HDAC1: variants seen among roughly 807,000 people sequenced by gnomAD.
HDAC1 encodes histone deacetylase 1.
In HDAC1, 18 loss-of-function variants were observed where a neutral mutation model predicts 65.5. That is an observed-to-expected ratio of 0.27 (90% CI 0.19 to 0.41). The LOEUF (loss-of-function observed/expected upper bound fraction) is 0.41. Ranked by LOEUF, HDAC1 falls within the 10% of genes least tolerant of loss-of-function variation. The probability of loss-of-function intolerance (pLI) is 1.00; values close to 1 mark genes in which losing one functional copy is unlikely to be tolerated. For synonymous variants in HDAC1, 211 were observed against 227.9 expected (o/e 0.93, Z 0.67); for missense variants, 373 against 625.2 (o/e 0.60, Z 4.30).
rs1641283824 is a variant in HDAC1, at chr1:32,330,994, T to C, written c.979+86T>C. On this transcript the variant is annotated intron_variant, in intron 9 of 13. Coordinates refer to ENST00000373548, the MANE Select transcript of HDAC1 (RefSeq NM_004964.3). This position sits in a 1 kb window ranked among gnomAD's most constrained non-coding sequence, Gnocchi z 4.2. ...AAGTTTATAACCCCTTCCCCGTTGG[T>C]CATATGACCGCTCCTCTTCTGATAC... 1.6e-6 allele frequency: 2 copies of C among 1,277,408 alleles called. No homozygotes were observed. Among genetic ancestry groups the C allele is most frequent in the African/African-American group, 2.9e-5 (2 of 68,286 alleles). 79.1% of individuals were successfully genotyped at this position (1,277,408 alleles called of 1,614,324 possible).
Position 32,330,572 on chromosome 1 carries a change from T to C in HDAC1, c.730-6T>C. ...GGTTGGTGGTGACCAGGATGTATCA[T>C]TTTAGGTCATGTCCAAAGTAATGGA... On this transcript the variant is annotated splice_polypyrimidine_tract_variant and splice_region_variant and intron_variant, in intron 7 of 13. Transcript: ENST00000373548. The surrounding 1 kb of genome is among the most constrained non-coding windows in gnomAD (Gnocchi z 4.2). 6.2e-7 allele frequency: 1 copy of C among 1,601,868 alleles called. No individual in the cohort carries two copies. Among genetic ancestry groups the C allele is most frequent in the Non-Finnish European group, 8.6e-7 (1 of 1,168,976 alleles).
intron 3 of HDAC1, among the ~76,000 whole-genome samples, chr1:32,318,471 G>A (rs993607088): frequency 6.6e-6 from 1 of 152,002 alleles, no homozygotes; most frequent in Non-Finnish European, 1.5e-5. Flanking sequence ...GTTGAGGAGG[G>A]AGGATCTTTT....
intron 2 of HDAC1, among the ~76,000 whole-genome samples, chr1:32,304,826 A>G (rs1038094756): frequency 6.6e-6 from 1 of 152,130 alleles, no homozygotes; most frequent in Non-Finnish European, 1.5e-5. Flanking sequence ...GGCCTCCCAA[A>G]GTGCTGGGAT....
intron 1 of HDAC1, 77 bp downstream of exon 1, chr1:32,292,295 G>A: frequency 6.5e-7 from 1 of 1,540,188 alleles, no homozygotes; most frequent in Non-Finnish European, 8.8e-7. Flanking sequence ...CTGGAGCGCC[G>A]ATGGGAGGCT....
intron 2 of HDAC1, 117 bp from the exon 3 acceptor site, chr1:32,316,548 T>C (rs1641066649): frequency 7.5e-6 from 5 of 669,954 alleles, no homozygotes; most frequent in Non-Finnish European, 1.4e-5. Context: ...AGTTATTTCT[T>C]TTTATTCTTT....
At chr1:32,318,477 C>A (rs1025454070) in intron 3 of HDAC1, among the ~76,000 whole-genome samples, 4 of 151,736 alleles carry the variant, frequency 2.6e-5, no homozygotes, top group African/African-American at 4.8e-5. Context: ...GAGGGAGGAT[C>A]TTTTGAGCCT....
chr1:32,326,595 CA>C (rs1374647351), intron 4 of HDAC1, among the ~76,000 whole-genome samples: 3 of 152,022 alleles, frequency 2.0e-5, no homozygotes, highest in Non-Finnish European at 4.4e-5. Context: ...CAGAGTTTTA[CA>C]AAAGAGCAGT....
chr1:32,295,667 A>G (rs1202803871), intron 1 of HDAC1, among the ~76,000 whole-genome samples: 3 of 152,224 alleles, frequency 2.0e-5, no homozygotes, highest in Admixed American at 6.5e-5. Flanking sequence ...AAAAGGCTCC[A>G]CTTCCAAACA....
Position 32,329,134 on chromosome 1 carries a change from G to A in HDAC1, c.703G>A (p.Glu235Lys), listed in dbSNP as rs1641257677. The stretch of plus-strand genomic sequence containing the variant: ...CCCGCTCCGAGACGGGATTGATGAC[G>A]AGTCCTATGAGGCCATTTTCAAGCC... Reference protein sequence around the residue: ...NYPLRDGIDDESYEAIFKPVM... With the variant: ...NYPLRDGIDDKSYEAIFKPVM... Residue 235 changes from glutamate (E) to lysine (K), a missense_variant, in exon 7 of 14, where the codon GAG (glutamate) becomes AAG (lysine). Transcript: ENST00000373548. The surrounding 1 kb of genome is among the most constrained non-coding windows in gnomAD (Gnocchi z 4.1). The A allele has an allele frequency of 2.5e-6, 4 of 1,611,228 alleles. No individual in the cohort carries two copies. Among genetic ancestry groups the A allele is most frequent in the Non-Finnish European group, 3.4e-6 (4 of 1,177,462 alleles).
chr1:32,301,696 G>C (rs1337354390), intron 1 of HDAC1, among the ~76,000 whole-genome samples: 1 of 152,074 alleles, frequency 6.6e-6, no homozygotes, highest in African/African-American at 2.4e-5. Flanking sequence ...TTTGAACCCA[G>C]GAGGCGAAGG....
intron 3 of HDAC1, among the ~76,000 whole-genome samples, chr1:32,318,760 A>C (rs1378810862): frequency 6.6e-6 from 1 of 152,100 alleles, no homozygotes; most frequent in Non-Finnish European, 1.5e-5. Context: ...TGCCCTGAGG[A>C]GTGTGCAGGT....
intron 1 of HDAC1, among the ~76,000 whole-genome samples, chr1:32,302,406 G>A (rs1310002860): frequency 6.6e-6 from 1 of 151,504 alleles, no homozygotes; most frequent in Non-Finnish European, 1.5e-5. Flanking sequence ...AGAAGAAAGT[G>A]AGCTAGACTG....
intron 3 of HDAC1, 59 bp downstream of exon 3, chr1:32,316,841 G>A: frequency 9.5e-7 from 1 of 1,047,904 alleles, no homozygotes; most frequent in Non-Finnish European, 1.5e-6. Context: ...CCTTTCCACT[G>A]TAGAGGCCCA....
At chr1:32,297,777 ATTTTTTTTTTTT>A (rs71571709) in intron 1 of HDAC1, among the ~76,000 whole-genome samples, 318 of 72,162 alleles carry the variant, frequency 4.4e-3, no homozygotes, top group African/African-American at 0.017. Flanking sequence ...CGCCTGGCTA[ATTTTTTTTTTTT>A]TTTTTTTTTT....
rs1470963026 is a variant in HDAC1 at position 32,333,124 on chromosome 1, C to A, written c.*80C>A. The A allele has an allele frequency of 1.8e-6, 2 of 1,120,460 alleles. No individual in the cohort carries two copies. Among genetic ancestry groups the A allele is most frequent in the East Asian group, 2.6e-5 (1 of 38,664 alleles). The allele number at this position is 1,120,460 out of a possible 1,614,324, so 69.4% of individuals were successfully genotyped here. On this transcript the variant is annotated 3_prime_UTR_variant, in exon 14 of 14. Transcript: ENST00000373548. Reference sequence around the variant, plus strand: ...CCCTCAGATTTTATATTTTCTATTTCTCTGTGTATTTATATAAAAATTTAT... The same window carrying A: ...CCCTCAGATTTTATATTTTCTATTTATCTGTGTATTTATATAAAAATTTAT...
intron 1 of HDAC1, among the ~76,000 whole-genome samples, chr1:32,294,717 T>C (rs886304983): frequency 6.6e-6 from 1 of 151,402 alleles, no homozygotes; most frequent in Non-Finnish European, 1.5e-5. Flanking sequence ...GGTTTCACCG[T>C]GTTAGCCAGG....
At position 32,330,820 on chromosome 1, in the gene HDAC1, G is replaced by A; in HGVS notation, c.891G>A (p.Met297Ile). Residue 297 changes from methionine (M) to isoleucine (I), a missense_variant, in exon 9 of 14, where the codon ATG becomes ATA. Physicochemically the swap from Met to Ile is conservative, Grantham distance 10. Coordinates refer to ENST00000373548, the MANE Select transcript of HDAC1 (RefSeq NM_004964.3). This position sits in a 1 kb window ranked among gnomAD's most constrained non-coding sequence, Gnocchi z 4.2. ...AGAGCTTTAACCTGCCTATGCTGAT[G>A]CTGGGAGGCGGTGGTTACACCATTC... ...FVKSFNLPMLMLGGGGYTIRN... is the reference protein window; with the variant it reads ...FVKSFNLPMLILGGGGYTIRN... 1 of 1,614,152 alleles carries A rather than the reference G, an allele frequency of 6.2e-7. No individual in the cohort carries two copies. The highest frequency in any genetic ancestry group is 8.5e-7 in the Non-Finnish European group (1 of 1,180,006).
rs1220971549 is a variant in HDAC1, at chr1:32,329,663, C to T, written c.729+503C>T. 2.3e-5 allele frequency: 4 copies of T among 170,936 alleles called. No individual in the cohort carries two copies. Among genetic ancestry groups the T allele is most frequent in the Non-Finnish European group, 5.1e-5 (4 of 78,354 alleles). 10.6% of individuals were successfully genotyped at this position (170,936 alleles called of 1,614,324 possible). On this transcript the variant is annotated intron_variant, in intron 7 of 13. Coordinates refer to ENST00000373548, the MANE Select transcript of HDAC1 (RefSeq NM_004964.3). This position sits in a 1 kb window ranked among gnomAD's most constrained non-coding sequence, Gnocchi z 4.1. ...AGCCCATCCAGAGATTCTGGAAAGG[C>T]TGTGTGGCATGTTCCATGGGTAGGC...
In HDAC1 at chr1:32,327,124, T is replaced by C. The variant is rs1195984993; in HGVS notation, c.494+47T>C. 1 of 1,597,174 alleles carries C rather than the reference T, an allele frequency of 6.3e-7. No homozygotes were observed. On this transcript the variant is annotated intron_variant, in intron 5 of 13. Coordinates refer to ENST00000373548, the MANE Select transcript of HDAC1 (RefSeq NM_004964.3). This position sits in a 1 kb window ranked among gnomAD's most constrained non-coding sequence, Gnocchi z 6.0. ...TCTTGGAAGAGCACCTTAGGCCAGG[T>C]TCCCATTTCCCTCTTCCCCTGGGCT...
Sources: gnomAD v4.1 joint callset for allele counts (sites outside exome capture counted in the v4.1 genomes callset) on GRCh38, gnomAD v4.1.1 for gene constraint, Gnocchi (gnomAD v3.1) non-coding constraint, MANE v1.5 for transcripts, NCBI Gene and HGNC (gene_info 2026-07-23, HGNC 2026-07-21) for gene names.